Variants in NPSR1 observed in about 807,000 individuals in gnomAD.
NPSR1 encodes the protein neuropeptide S receptor.
A neutral mutation model predicts 46.9 loss-of-function variants in NPSR1; 48 were observed. That is an observed-to-expected ratio of 1.02 (90% confidence interval 0.81 to 1.30). NPSR1 has a LOEUF of 1.30. Ranked by LOEUF, NPSR1 falls within the 50% of genes most tolerant of loss-of-function variation. The probability of loss-of-function intolerance (pLI) is 0.00; values close to 1 mark genes in which losing one functional copy is unlikely to be tolerated. For synonymous variants in NPSR1, 176 were observed against 168.1 expected, an observed-to-expected ratio of 1.05 and a Z score of -0.36; for missense variants, 450 against 449.5, an observed-to-expected ratio of 1.00 and a Z score of -0.01.
chr7:34,805,697 T>A (rs557804013), intron 3 of NPSR1, among the ~76,000 whole-genome samples: 1 of 152,004 alleles, frequency 6.6e-6, no homozygotes, highest in East Asian at 1.9e-4. Context: ...ATGTTGGACA[T>A]TATGAAAATT....
chr7:34,787,879 C>T (rs1469511892), intron 3 of NPSR1, among the ~76,000 whole-genome samples: 2 of 151,904 alleles, frequency 1.3e-5, no homozygotes, highest in Non-Finnish European at 2.9e-5. Context: ...TCACAGATAG[C>T]CTTAATGGAC....
chr7:34,878,054 A>G (rs1229367066), intron 8 of NPSR1: 6 of 1,498,254 alleles, frequency 4.0e-6, no homozygotes, highest in South Asian at 3.5e-5. Context: ...ATACATTTCA[A>G]TAAGCCTTTC....
chr7:34,876,586 C>T (rs1400385301), intron 8 of NPSR1, among the ~76,000 whole-genome samples: 3 of 152,182 alleles, frequency 2.0e-5, no homozygotes, highest in Non-Finnish European at 4.4e-5. Context: ...GAGGTTGGTG[C>T]AAAAGCTGTT....
chr7:34,754,994 A>G (rs886929250), intron 2 of NPSR1, among the ~76,000 whole-genome samples: 88 of 134,400 alleles, frequency 6.5e-4, no homozygotes, highest in African/African-American at 2.2e-3. Flanking sequence ...ATTCTATCAT[A>G]TGGATATAGC....
downstream of NPSR1, among the ~76,000 whole-genome samples, chr7:34,851,473 G>A (rs1790933709): frequency 6.6e-6 from 1 of 152,088 alleles, no homozygotes. Context: ...TTTGAAGGCT[G>A]CCTCCCTCTC....
At chr7:34,688,746 C>T (rs1244849447) in intron 2 of NPSR1, among the ~76,000 whole-genome samples, 1 of 152,192 alleles carries the variant, frequency 6.6e-6, no homozygotes, top group African/African-American at 2.4e-5. Context: ...TCCTACATTC[C>T]CCAGGAAAAC....
At chr7:34,827,721 TGACC>T in intron 5 of NPSR1, 119 bp downstream of exon 5, 1 of 721,628 alleles carries the variant, frequency 1.4e-6, no homozygotes, top group Non-Finnish European at 2.3e-6. Context: ...TTGAGGGAAC[TGACC>T]AGGCCACAAG....
chr7:34,693,089 CTT>C (rs1013016968), intron 2 of NPSR1, among the ~76,000 whole-genome samples: 9 of 152,146 alleles, frequency 5.9e-5, no homozygotes, highest in African/African-American at 1.2e-4. Flanking sequence ...CTCTCTCTCT[CTT>C]GATTCTTCTC....
At chr7:34,790,992 ATG>A (rs1562730358) in intron 3 of NPSR1, among the ~76,000 whole-genome samples, 250 of 118,354 alleles carry the variant, frequency 2.1e-3, no homozygotes, top group African/African-American at 8.2e-3. Context: ...TATATTATAT[ATG>A]TTATATGTTA....
Position 34,877,941 on chromosome 7 carries a change from A to C in NPSR1, c.1026-135A>C, listed in dbSNP as rs13328346. The C allele has an allele frequency of 6.0e-3, 3,358 of 562,822 alleles. 63 individuals carry two copies. Among genetic ancestry groups the C allele is most frequent in the African/African-American group, 0.051 (2,670 of 52,688 alleles). 34.9% of individuals were successfully genotyped at this position (562,822 alleles called of 1,614,324 possible). A position where few individuals can be genotyped will look rare whatever the true frequency, so the allele number is the denominator to read the frequency against. ...GCTATTTGTGGTGGTATTAAGTACA[A>C]AGTGAAGAACCGAGGCGGGAGGTAG... On this transcript the variant is annotated intron_variant, in intron 8 of 8. Coordinates refer to the NPSR1 transcript ENST00000359791.
intron 3 of NPSR1, among the ~76,000 whole-genome samples, chr7:34,808,445 A>C (rs935158861): frequency 6.6e-6 from 1 of 151,888 alleles, no homozygotes; most frequent in Non-Finnish European, 1.5e-5. Flanking sequence ...CCCAAAATAC[A>C]TAACAAAATT....
intron 8 of NPSR1, among the ~76,000 whole-genome samples, chr7:34,870,349 G>A (rs1584161286): frequency 6.6e-6 from 1 of 151,680 alleles, no homozygotes; most frequent in South Asian, 2.1e-4. Flanking sequence ...ATAAATTCCT[G>A]TTGAATACAT....
At chr7:34,670,670 G>A (rs1411077456) in intron 1 of NPSR1, among the ~76,000 whole-genome samples, 1 of 151,394 alleles carries the variant, frequency 6.6e-6, no homozygotes, top group Non-Finnish European at 1.5e-5. Context: ...GAGCCCTTGA[G>A]GGAAAATAAA....
At chr7:34,870,883 GATGGATGGATGGATGGATGA>G (rs1255440511) in intron 8 of NPSR1, among the ~76,000 whole-genome samples, 2 of 150,580 alleles carry the variant, frequency 1.3e-5, no homozygotes, top group East Asian at 2.0e-4. Flanking sequence ...TGGATGGATG[GATGGATGGATGGATGGATGA>G]ATGGATGGAT....
intron 2 of NPSR1, among the ~76,000 whole-genome samples, chr7:34,769,718 C>T (rs998015328): frequency 6.6e-6 from 1 of 152,176 alleles, no homozygotes; most frequent in Non-Finnish European, 1.5e-5. Context: ...CCTTGTCCAC[C>T]CGCTTTTGTG....
chr7:34,700,929 T>G (rs1454485203), intron 2 of NPSR1, among the ~76,000 whole-genome samples: 2 of 152,226 alleles, frequency 1.3e-5, no homozygotes, highest in Admixed American at 6.5e-5. Context: ...TTTCATTCAC[T>G]GTAGAAATGA....
chr7:34,712,721 A>T (rs1666995868), intron 2 of NPSR1, among the ~76,000 whole-genome samples: 1 of 152,206 alleles, frequency 6.6e-6, no homozygotes, highest in Admixed American at 6.5e-5. Context: ...TCTAAATAAA[A>T]GTTGGGGGTT....
intron 1 of NPSR1, among the ~76,000 whole-genome samples, chr7:34,674,252 G>T (rs557571971): frequency 2.0e-5 from 3 of 152,246 alleles, no homozygotes; most frequent in South Asian, 2.1e-4. Context: ...CTGCCCAGGG[G>T]TCACCACATC....
chr7:34,662,167 G>C (rs1318518372), intron 1 of NPSR1, among the ~76,000 whole-genome samples: 4 of 152,136 alleles, frequency 2.6e-5, no homozygotes, highest in African/African-American at 9.7e-5. Context: ...CATGAACTAA[G>C]ACTGCTAAAT....
Sources: gnomAD v4.1 joint callset for allele counts (sites outside exome capture counted in the v4.1 genomes callset) on GRCh38, gnomAD v4.1.1 for gene constraint, MANE v1.5 for transcripts, NCBI Gene and HGNC (gene_info 2026-07-23, HGNC 2026-07-21) for gene names.